The following CENPP variants were observed in gnomAD, a reference collection of about 807,000 sequenced individuals.
CENPP encodes centromere protein P.
In CENPP, 24 loss-of-function variants were observed where a neutral mutation model predicts 35.6. The observed-to-expected ratio is 0.67, with a 90% CI of 0.49 to 0.95. The LOEUF (loss-of-function observed/expected upper bound fraction) is 0.95. Among genes scored for constraint, CENPP ranks in the 40% least tolerant of loss-of-function variants. CENPP has a pLI of 0.00. For synonymous variants in CENPP, 120 were observed against 125.5 expected (o/e 0.96, Z 0.29); for missense variants, 332 against 345.3 (o/e 0.96, Z 0.31).
chr9:92,571,642 T>C (rs1366646843), intron 5 of CENPP, among the ~76,000 whole-genome samples: 1 of 152,184 alleles, frequency 6.6e-6, no homozygotes, highest in African/African-American at 2.4e-5. Flanking sequence ...CCTTGTTAAC[T>C]TTCTGTCTGA....
chr9:92,467,017 A>G (rs1463451638), intron 5 of CENPP, among the ~76,000 whole-genome samples: 1 of 152,142 alleles, frequency 6.6e-6, no homozygotes, highest in African/African-American at 2.4e-5. Context: ...CATATTTACT[A>G]ATGTTTACCA....
At chr9:92,425,233 A>G (rs1843932511) in intron 5 of CENPP, among the ~76,000 whole-genome samples, 1 of 152,142 alleles carries the variant, frequency 6.6e-6, no homozygotes, top group African/African-American at 2.4e-5. Flanking sequence ...CACTAGAATG[A>G]CTTCTAATAT....
chr9:92,545,550 A>G (rs567808332), intron 5 of CENPP, among the ~76,000 whole-genome samples: 1 of 152,158 alleles, frequency 6.6e-6, no homozygotes, highest in South Asian at 2.1e-4. Flanking sequence ...GGCCCCTTCA[A>G]GGCCCGAGCC....
At chr9:92,611,712 A>G (rs1311933739) in intron 6 of CENPP, among the ~76,000 whole-genome samples, 1 of 152,108 alleles carries the variant, frequency 6.6e-6, no homozygotes, top group Admixed American at 6.5e-5. Flanking sequence ...GAAGGGAGGA[A>G]GCCAGGGGTG....
intron 5 of CENPP, among the ~76,000 whole-genome samples, chr9:92,546,227 G>T (rs1012303814): frequency 6.6e-6 from 1 of 152,168 alleles, no homozygotes; most frequent in East Asian, 1.9e-4. Context: ...CTGTAAAACA[G>T]ACCAATCAGC....
chr9:92,520,317 T>C (rs1454539886), intron 5 of CENPP, among the ~76,000 whole-genome samples: 3 of 151,994 alleles, frequency 2.0e-5, no homozygotes, highest in Non-Finnish European at 4.4e-5. Flanking sequence ...AGGGGTTGAA[T>C]AGATATTTCT....
At chr9:92,435,926 A>G (rs1844235493) in intron 5 of CENPP, among the ~76,000 whole-genome samples, 1 of 152,202 alleles carries the variant, frequency 6.6e-6, no homozygotes, top group African/African-American at 2.4e-5. Context: ...GTACATGCCC[A>G]GAGTATAATT....
chr9:92,335,659 A>T (rs996240981), intron 2 of CENPP, among the ~76,000 whole-genome samples: 3 of 151,892 alleles, frequency 2.0e-5, no homozygotes, highest in Non-Finnish European at 2.9e-5. Flanking sequence ...TCTCCATTGA[A>T]CTGCCTTTGC....
chr9:92,490,340 G>C (rs1212039774), intron 5 of CENPP, among the ~76,000 whole-genome samples: 1 of 152,170 alleles, frequency 6.6e-6, no homozygotes, highest in African/African-American at 2.4e-5. Context: ...GACTTTGGGG[G>C]CTTAAGGCCT....
intron 5 of CENPP, chr9:92,415,447 A>G (rs778306141): frequency 9.3e-6 from 15 of 1,610,816 alleles, no homozygotes; most frequent in Middle Eastern, 3.3e-4. Context: ...TAGTGGGTCA[A>G]TAGAAGGACA....
intron 5 of CENPP, chr9:92,493,912 G>A (rs930014051): frequency 3.8e-5 from 18 of 476,080 alleles, no homozygotes; most frequent in African/African-American, 8.0e-5. Flanking sequence ...CCCACAGTGC[G>A]TCTGCTCCAC....
intron 3 of CENPP, among the ~76,000 whole-genome samples, chr9:92,343,350 T>G (rs2130799059): frequency 6.6e-6 from 1 of 152,346 alleles, no homozygotes; most frequent in Admixed American, 6.5e-5. Flanking sequence ...GTGTTCTTAG[T>G]ACTACATTTG....
intron 5 of CENPP, among the ~76,000 whole-genome samples, chr9:92,482,105 G>A: frequency 6.6e-6 from 1 of 152,036 alleles, no homozygotes; most frequent in Middle Eastern, 3.4e-3. Context: ...TTATAGGTAA[G>A]ACATAAAACT....
At chr9:92,344,038 A>T (rs1841204844) in intron 3 of CENPP, among the ~76,000 whole-genome samples, 1 of 151,048 alleles carries the variant, frequency 6.6e-6, no homozygotes, top group Non-Finnish European at 1.5e-5. Context: ...ATAATCCTTC[A>T]GTTGTAGAGG....
intron 5 of CENPP, among the ~76,000 whole-genome samples, chr9:92,582,154 A>G (rs935980120): frequency 1.3e-5 from 2 of 152,258 alleles, no homozygotes; most frequent in African/African-American, 2.4e-5. Context: ...CCTGGGCTCA[A>G]GTAATCCTCC....
chr9:92,348,397 T>TC (rs1399534856), intron 4 of CENPP, among the ~76,000 whole-genome samples: 1 of 151,740 alleles, frequency 6.6e-6, no homozygotes, highest in Non-Finnish European at 1.5e-5. Context: ...CTATAACTTT[T>TC]TTTTTTTTTT....
At chr9:92,385,262 C>T (rs1490798373) in intron 5 of CENPP, 3 of 165,290 alleles carry the variant, frequency 1.8e-5, no homozygotes, top group African/African-American at 7.2e-5. Context: ...CCAGGAAAGG[C>T]AAAGAGTTGA....
chr9:92,374,506 A>G (rs1842082606), intron 4 of CENPP, among the ~76,000 whole-genome samples: 1 of 152,176 alleles, frequency 6.6e-6, no homozygotes, highest in African/African-American at 2.4e-5. Context: ...TGAGAATTAC[A>G]GGTAATATCT....
chr9:92,461,072 A>G (rs1035162750), intron 5 of CENPP, among the ~76,000 whole-genome samples: 4 of 152,082 alleles, frequency 2.6e-5, no homozygotes, highest in Non-Finnish European at 5.9e-5. Context: ...CTCAGCTTCA[A>G]CAGTTATCTC....
Sources: allele counts gnomAD v4.1 joint callset (sites outside exome capture counted in the v4.1 genomes callset), GRCh38; gene constraint gnomAD v4.1.1; transcripts MANE v1.5; gene names NCBI Gene and HGNC (gene_info 2026-07-23, HGNC 2026-07-21).